Variants in SBF2 observed in about 807,000 individuals in gnomAD.
SBF2 encodes the protein SET binding factor 2, also known as myotubularin-related protein 13.
In SBF2, 112 loss-of-function variants were observed where a neutral mutation model predicts 225.2. The ratio of observed to expected loss-of-function variants is 0.50; its 90% CI spans 0.43 to 0.58. The LOEUF (loss-of-function observed/expected upper bound fraction) is 0.58, where lower values mean the gene tolerates loss of function less well. Ranked by LOEUF, SBF2 falls within the 20% of genes least tolerant of loss-of-function variation. The probability of loss-of-function intolerance (pLI) is 0.00; values close to 1 mark genes in which losing one functional copy is unlikely to be tolerated. For synonymous variants in SBF2, 763 were observed against 773.3 expected, an observed-to-expected ratio of 0.99 and a Z score of 0.22; for missense variants, 1,996 against 2,206.2, an observed-to-expected ratio of 0.90 and a Z score of 1.91.
At chr11:10,016,613 A>C (rs1458815274) in intron 6 of SBF2, 1 of 152,078 alleles carries the variant, frequency 6.6e-6, no homozygotes, top group Admixed American at 6.6e-5. Flanking sequence ...CAGCCTCCCG[A>C]GTAGCTGGGA....
chr11:10,036,911 T>C (rs946906489), intron 3 of SBF2, among the ~76,000 whole-genome samples: 6 of 152,218 alleles, frequency 3.9e-5, no homozygotes, highest in African/African-American at 1.4e-4. Context: ...CAGTTCTCAC[T>C]GCAGCCCTTC....
At position 10,173,653 on chromosome 11, in the gene SBF2, CCCA is replaced by C. The variant is rs1270204966; in HGVS notation, c.141+20246_141+20248del. On this transcript the variant is annotated intron_variant, in intron 2 of 39. Transcript: ENST00000256190. The stretch of plus-strand genomic sequence containing the variant: ...GCAGGGAAGCTCGAACTGGGTGGAG[CCCA>C]CCACAACTCAAGGAGGCCTGCCTGC... 3.9e-5 allele frequency among the ~76,000 whole-genome samples: 6 copies of C among 152,262 alleles called. No individual in the cohort carries two copies. The East Asian group carries it at 1.2e-3, about 29-fold the overall frequency.
intron 1 of SBF2, among the ~76,000 whole-genome samples, chr11:10,256,542 T>C (rs1960882738): frequency 6.6e-6 from 1 of 152,226 alleles, no homozygotes; most frequent in Non-Finnish European, 1.5e-5. Context: ...TAACAACTGA[T>C]ACAAGCCCTT....
At chr11:9,892,507 C>T (rs1860911489) in intron 17 of SBF2, among the ~76,000 whole-genome samples, 1 of 151,704 alleles carries the variant, frequency 6.6e-6, no homozygotes, top group African/African-American at 2.4e-5. Flanking sequence ...GAAAAGGGAA[C>T]TTTTACTTTG....
intron 10 of SBF2, 118 bp downstream of exon 10, chr11:9,993,803 G>GA (rs1947545017): frequency 9.9e-7 from 1 of 1,010,756 alleles, no homozygotes; most frequent in Non-Finnish European, 1.5e-6. Flanking sequence ...TTCTAATTTG[G>GA]GGCACTTTTT....
intron 9 of SBF2, among the ~76,000 whole-genome samples, chr11:9,994,517 C>G (rs994921091): frequency 6.8e-6 from 1 of 146,592 alleles, no homozygotes; most frequent in African/African-American, 2.5e-5. Context: ...GAAAAATACA[C>G]ATAGTATGGC....
chr11:10,227,547 C>T (rs1190510166), intron 1 of SBF2, among the ~76,000 whole-genome samples: 1 of 152,264 alleles, frequency 6.6e-6, no homozygotes, highest in East Asian at 1.9e-4. Context: ...TATGACTAGC[C>T]AGTTTTCCCA....
chr11:10,098,475 T>TTA (rs1555023190), intron 2 of SBF2, among the ~76,000 whole-genome samples: 45 of 135,788 alleles, frequency 3.3e-4, no homozygotes, highest in South Asian at 2.8e-3. Flanking sequence ...CAAGGAAAAT[T>TTA]AAAAAAAAAA....
chr11:9,937,751 G>T (rs1378327764), intron 16 of SBF2, among the ~76,000 whole-genome samples: 1 of 152,088 alleles, frequency 6.6e-6, no homozygotes, highest in African/African-American at 2.4e-5. Flanking sequence ...ATTAATAAGA[G>T]AATTCGGTAA....
chr11:10,192,190 G>C (rs895746511), intron 2 of SBF2, among the ~76,000 whole-genome samples: 4 of 152,082 alleles, frequency 2.6e-5, no homozygotes, highest in Non-Finnish European at 2.9e-5. Context: ...GCAGGCATAT[G>C]GGGAAAAAGA....
chr11:10,090,764 CAAAAAAAAAA>C (rs201577494), intron 2 of SBF2, among the ~76,000 whole-genome samples: 1 of 44,428 alleles, frequency 2.3e-5, no homozygotes, highest in South Asian at 8.1e-4. Flanking sequence ...GATTCCATCT[CAAAAAAAAAA>C]AAAAAAAAAA....
intron 2 of SBF2, among the ~76,000 whole-genome samples, chr11:10,173,900 G>C (rs1410427375): frequency 2.4e-4 from 37 of 151,916 alleles, no homozygotes; most frequent in East Asian, 3.9e-4. Flanking sequence ...AGCAGGGGCA[G>C]ACTGACACCT....
chr11:10,205,684 G>A (rs1957728518), intron 1 of SBF2, among the ~76,000 whole-genome samples: 2 of 152,006 alleles, frequency 1.3e-5, no homozygotes, highest in Non-Finnish European at 2.9e-5. Context: ...TAAGCAGCCA[G>A]GGAAAGCACT....
intron 1 of SBF2, among the ~76,000 whole-genome samples, chr11:10,241,127 G>A (rs115634707): frequency 1.3e-5 from 2 of 152,250 alleles, no homozygotes; most frequent in Admixed American, 1.3e-4. Context: ...GAGGAAGGGG[G>A]ATCACTTGAG....
intron 16 of SBF2, among the ~76,000 whole-genome samples, chr11:9,920,791 T>C (rs546777274): frequency 1.0e-3 from 157 of 152,210 alleles, no homozygotes; most frequent in African/African-American, 3.6e-3. Context: ...TATTTCAGAA[T>C]GTCCAGGCAC....
chr11:10,098,865 A>G (rs1952162663), intron 2 of SBF2, among the ~76,000 whole-genome samples: 1 of 152,106 alleles, frequency 6.6e-6, no homozygotes, highest in African/African-American at 2.4e-5. Flanking sequence ...AGAAAAAAAA[A>G]GAATGAAAAA....
At chr11:9,782,805 G>C (rs905164093) in intron 38 of SBF2, among the ~76,000 whole-genome samples, 2 of 151,504 alleles carry the variant, frequency 1.3e-5, no homozygotes, top group Non-Finnish European at 2.9e-5. Flanking sequence ...AGGAGGTGGA[G>C]CTTGCAGTGA....
At chr11:10,285,929 C>G (rs113580272) in intron 1 of SBF2, among the ~76,000 whole-genome samples, 1 of 152,072 alleles carries the variant, frequency 6.6e-6, no homozygotes. Context: ...AACAAGCACC[C>G]GAAAAGGTGT....
At chr11:9,916,860 A>G (rs1019811117) in intron 16 of SBF2, among the ~76,000 whole-genome samples, 8 of 151,826 alleles carry the variant, frequency 5.3e-5, no homozygotes, top group African/African-American at 1.9e-4. Flanking sequence ...CTAAGAGTAC[A>G]GGAGCAAATT....
Sources: allele counts gnomAD v4.1 joint callset (sites outside exome capture counted in the v4.1 genomes callset), GRCh38; gene constraint gnomAD v4.1.1; transcripts MANE v1.5; gene names NCBI Gene and HGNC (gene_info 2026-07-23, HGNC 2026-07-21).